The following PCDH9 variants were observed in gnomAD, a reference collection of about 807,000 sequenced individuals.
PCDH9 encodes the protein protocadherin-9.
Under a neutral mutation model 70.6 loss-of-function variants are expected in PCDH9, and 24 were observed. The observed-to-expected ratio is 0.34, with a 90% CI of 0.25 to 0.48. PCDH9 has a LOEUF of 0.48. PCDH9 is among the 20% of genes least tolerant of loss of function. The pLI is 0.99. For missense variants in PCDH9, 1,281 were observed against 1,503.6 expected (o/e 0.85, Z 2.45); for synonymous variants, 562 against 558.5 (o/e 1.01, Z -0.09).
Position 67,074,070 on chromosome 13 carries a change from A to G in PCDH9, c.3036+151335T>C, listed in dbSNP as rs189240306. ...TATCTATCTATCTATCTATCTATCT[A>G]TCTGTTTATTATCTATCTGTCTGTC... On this transcript the variant is annotated intron_variant, in intron 2 of 4. Transcript: ENST00000377865. 7.8e-3 allele frequency among the ~76,000 whole-genome samples: 1,139 copies of G among 145,244 alleles called. 18 individuals are homozygous for G. The highest frequency in any genetic ancestry group is 0.027 in the African/African-American group (1,055 of 39,366).
At chr13:67,081,395 T>C (rs1388060427) in intron 2 of PCDH9, among the ~76,000 whole-genome samples, 1 of 151,986 alleles carries the variant, frequency 6.6e-6, no homozygotes, top group Non-Finnish European at 1.5e-5. Flanking sequence ...ATGGTGAAAC[T>C]CCATCCCTAC....
intron 2 of PCDH9, among the ~76,000 whole-genome samples, chr13:67,019,248 C>G (rs1213741873): frequency 7.7e-6 from 1 of 129,170 alleles, no homozygotes; most frequent in Non-Finnish European, 1.5e-5. Flanking sequence ...GGCTGGAGTG[C>G]AGTGGTAGGA....
chr13:67,026,302 T>C (rs1479108114), intron 2 of PCDH9, among the ~76,000 whole-genome samples: 2 of 152,170 alleles, frequency 1.3e-5, no homozygotes, highest in Non-Finnish European at 2.9e-5. Flanking sequence ...TGGTCTAAAA[T>C]TCTCTTTTTT....
chr13:67,149,473 A>G (rs529268281), intron 2 of PCDH9, among the ~76,000 whole-genome samples: 2 of 151,974 alleles, frequency 1.3e-5, no homozygotes, highest in East Asian at 3.9e-4. Context: ...ATAAATATTT[A>G]TTATTGTGAT....
intron 3 of PCDH9, among the ~76,000 whole-genome samples, chr13:66,814,645 G>A (rs55809568): frequency 0.012 from 1,856 of 151,938 alleles, 15 homozygotes; most frequent in Non-Finnish European, 0.02. Context: ...TAAAATATCC[G>A]GCTTCCAATG....
chr13:67,161,457 T>A (rs763112755), intron 2 of PCDH9, among the ~76,000 whole-genome samples: 5 of 152,220 alleles, frequency 3.3e-5, no homozygotes, highest in Non-Finnish European at 5.9e-5. Context: ...TAGCACCCTC[T>A]GATTTCAGCC....
At chr13:67,005,241 T>TA (rs71772833) in intron 2 of PCDH9, among the ~76,000 whole-genome samples, 34,756 of 148,584 alleles carry the variant, frequency 0.23, 4,354 homozygotes, top group East Asian at 0.55. Context: ...CTGATCTCTT[T>TA]AAAAAAAAAA....
At chr13:66,573,719 T>C (rs954792799) in intron 4 of PCDH9, among the ~76,000 whole-genome samples, 21 of 150,980 alleles carry the variant, frequency 1.4e-4, no homozygotes, top group African/African-American at 5.1e-4. Flanking sequence ...GGGTATTTTG[T>C]TGAGAGCAGT....
chr13:66,695,206 A>ATG (rs1248282205), intron 3 of PCDH9, among the ~76,000 whole-genome samples: 2 of 152,332 alleles, frequency 1.3e-5, no homozygotes, highest in East Asian at 3.9e-4. Context: ...CCCGGTATAT[A>ATG]CATGTTTTAA....
intron 3 of PCDH9, among the ~76,000 whole-genome samples, chr13:66,794,294 G>A (rs1323744035): frequency 6.6e-6 from 1 of 151,982 alleles, no homozygotes; most frequent in African/African-American, 2.4e-5. Context: ...GAAAGAGAGG[G>A]AGGGATAGAG....
At position 66,987,472 on chromosome 13, in the gene PCDH9, G is replaced by A. The variant is rs150772751; in HGVS notation, c.3037-83867C>T. Among the ~76,000 whole-genome samples the A allele has an allele frequency of 1.6e-4, 25 of 151,978 alleles. No individual in the cohort carries two copies. The East Asian group carries it at 4.6e-3, about 28-fold the overall frequency. Reference sequence around the variant, plus strand: ...TATGACCTCATCTGCATTCCAGTTTGACCTTGTTTTGCACTTTTTGAGTGA... The same window carrying A: ...TATGACCTCATCTGCATTCCAGTTTAACCTTGTTTTGCACTTTTTGAGTGA... On this transcript the variant is annotated intron_variant, in intron 2 of 4. Coordinates refer to ENST00000377865, the MANE Select transcript of PCDH9 (RefSeq NM_203487.3).
At chr13:66,523,820 G>A (rs563936717) in intron 4 of PCDH9, among the ~76,000 whole-genome samples, 30 of 152,008 alleles carry the variant, frequency 2.0e-4, no homozygotes, top group Admixed American at 1.5e-3. Flanking sequence ...TTGCATTATT[G>A]AAAACAATTT....
At chr13:67,015,541 ACTTACC>A (rs2084544588) in intron 2 of PCDH9, among the ~76,000 whole-genome samples, 2 of 152,048 alleles carry the variant, frequency 1.3e-5, no homozygotes, top group Admixed American at 6.6e-5. Flanking sequence ...AAATCATCAG[ACTTACC>A]CTTCTTTGTT....
At chr13:67,037,572 G>A (rs1042524392) in intron 2 of PCDH9, among the ~76,000 whole-genome samples, 1 of 152,108 alleles carries the variant, frequency 6.6e-6, no homozygotes, top group Non-Finnish European at 1.5e-5. Context: ...TGATCTACAA[G>A]TACTATCTTT....
Position 66,335,338 on chromosome 13 carries a change from G to C in PCDH9, c.3341-30310C>G, listed in dbSNP as rs61623082. Among the ~76,000 whole-genome samples the C allele has an allele frequency of 9.1e-3, 1,377 of 152,092 alleles. 20 individuals carry two copies. The highest frequency in any genetic ancestry group is 0.031 in the African/African-American group (1,289 of 41,470). ...CTTATCTCCTCTTAAAATCGAGCTT[G>C]CTCTGACATTTTCTACATGCTTAAT... On this transcript the variant is annotated intron_variant, in intron 4 of 4. Coordinates refer to ENST00000377865, the MANE Select transcript of PCDH9 (RefSeq NM_203487.3).
intron 2 of PCDH9, among the ~76,000 whole-genome samples, chr13:66,992,197 T>C (rs1157688648): frequency 2.0e-5 from 3 of 152,130 alleles, no homozygotes; most frequent in African/African-American, 4.8e-5. Context: ...AGATATTCCC[T>C]AGAAAAACAA....
chr13:66,563,492 T>C (rs1448789991), intron 4 of PCDH9, among the ~76,000 whole-genome samples: 1 of 152,170 alleles, frequency 6.6e-6, no homozygotes, highest in Non-Finnish European at 1.5e-5. Flanking sequence ...GCATGTCTTT[T>C]CCCTGCTTTA....
intron 3 of PCDH9, among the ~76,000 whole-genome samples, chr13:66,887,077 A>ACACACACACC (rs1491222485): frequency 2.4e-5 from 3 of 124,406 alleles, no homozygotes; most frequent in African/African-American, 8.9e-5. Flanking sequence ...ACACACACAC[A>ACACACACACC]CCCTGTATTT....
intron 4 of PCDH9, among the ~76,000 whole-genome samples, chr13:66,591,031 A>T (rs17081545): frequency 0.014 from 2,111 of 151,892 alleles, 35 homozygotes; most frequent in East Asian, 0.039. Flanking sequence ...TTGATGTTTA[A>T]AAATATGTAC....
Sources: allele counts gnomAD v4.1 joint callset (sites outside exome capture counted in the v4.1 genomes callset), GRCh38; gene constraint gnomAD v4.1.1; transcripts MANE v1.5; gene names NCBI Gene and HGNC (gene_info 2026-07-23, HGNC 2026-07-21).